PRKD1: variants seen among roughly 807,000 people sequenced by gnomAD.
The protein encoded by PRKD1 is serine/threonine-protein kinase D1.
Under a neutral mutation model 95.9 loss-of-function variants are expected in PRKD1, and 63 were observed. The observed-to-expected ratio is 0.66, with a 90% CI of 0.54 to 0.81. The LOEUF (loss-of-function observed/expected upper bound fraction) is 0.81, where lower values mean the gene tolerates loss of function less well. Among genes scored for constraint, PRKD1 ranks in the 30% least tolerant of loss-of-function variants. The pLI is 0.00. For synonymous variants in PRKD1, 425 were observed against 423.1 expected (o/e 1.00, Z -0.05); for missense variants, 1,048 against 1,165.3 (o/e 0.90, Z 1.47).
chr14:29,661,399 T>C, intron 4 of PRKD1, among the ~76,000 whole-genome samples: 1 of 152,188 alleles, frequency 6.6e-6, no homozygotes, highest in East Asian at 1.9e-4. Context: ...ATATCACCTC[T>C]TATTAGGCAC....
chr14:29,810,023 G>C (rs984731905), intron 1 of PRKD1, among the ~76,000 whole-genome samples: 2 of 152,118 alleles, frequency 1.3e-5, no homozygotes, highest in Non-Finnish European at 2.9e-5. Context: ...GGAATAGAGA[G>C]GCCTAAACAG....
chr14:29,648,273 G>C (rs1881261693), intron 4 of PRKD1, among the ~76,000 whole-genome samples: 1 of 150,664 alleles, frequency 6.6e-6, no homozygotes, highest in Non-Finnish European at 1.5e-5. Context: ...CTGTATAAAT[G>C]ATGTTTAATA....
chr14:29,905,598 A>T (rs183987926), intron 1 of PRKD1, among the ~76,000 whole-genome samples: 5 of 152,334 alleles, frequency 3.3e-5, no homozygotes, highest in Admixed American at 3.3e-4. Context: ...CCTTGTAATA[A>T]GTATCTCAGA....
chr14:29,640,225 C>G (rs1164646396), intron 4 of PRKD1, among the ~76,000 whole-genome samples: 1 of 152,106 alleles, frequency 6.6e-6, no homozygotes, highest in Admixed American at 6.5e-5. Flanking sequence ...AAATGTGAAC[C>G]TACATTTGTT....
chr14:29,654,661 G>A (rs138457200), intron 4 of PRKD1, among the ~76,000 whole-genome samples: 152 of 152,078 alleles, frequency 1.0e-3, no homozygotes, highest in Admixed American at 6.2e-3. Context: ...TCTACTTGTC[G>A]GTATATGGTT....
At chr14:29,743,130 C>T (rs1887055201) in intron 1 of PRKD1, among the ~76,000 whole-genome samples, 2 of 152,052 alleles carry the variant, frequency 1.3e-5, no homozygotes. Flanking sequence ...GTTTCTTTGC[C>T]TTTAAAAAAG....
In PRKD1 at chr14:29,855,003, G is replaced by A. The variant is rs188181008; in HGVS notation, c.264+72246C>T. Among the ~76,000 whole-genome samples, 25 of 152,338 alleles carry A rather than the reference G, an allele frequency of 1.6e-4. No homozygotes were observed. The East Asian group carries it at 4.3e-3, about 26-fold the overall frequency. ...TAGATTTCAGAGGATGTATAAAGACGCCTGGATGCCCAGGCAGAAGTTTGC... is the reference window on the plus strand; with the variant it reads ...TAGATTTCAGAGGATGTATAAAGACACCTGGATGCCCAGGCAGAAGTTTGC... On this transcript the variant is annotated intron_variant, in intron 1 of 17. Coordinates refer to ENST00000331968, the MANE Select transcript of PRKD1 (RefSeq NM_002742.3).
At chr14:29,620,946 A>C (rs1227509413) in intron 13 of PRKD1, among the ~76,000 whole-genome samples, 1 of 152,008 alleles carries the variant, frequency 6.6e-6, no homozygotes, top group Non-Finnish European at 1.5e-5. Context: ...ACAATGATAG[A>C]CTGGATTAAG....
intron 16 of PRKD1, among the ~76,000 whole-genome samples, chr14:29,590,884 T>G (rs1893103607): frequency 6.6e-6 from 1 of 152,168 alleles, no homozygotes; most frequent in African/African-American, 2.4e-5. Context: ...GTTCAAGCAA[T>G]TCTCCTGCCT....
chr14:29,902,843 TAAAAAA>T (rs33986859), intron 1 of PRKD1, among the ~76,000 whole-genome samples: 4 of 151,970 alleles, frequency 2.6e-5, no homozygotes, highest in African/African-American at 9.7e-5. Context: ...AAAGGAAAAA[TAAAAAA>T]AAAATCATCT....
chr14:29,680,310 C>T (rs1413587076), intron 2 of PRKD1, among the ~76,000 whole-genome samples: 1 of 152,102 alleles, frequency 6.6e-6, no homozygotes, highest in African/African-American at 2.4e-5. Flanking sequence ...TGATCCCCTC[C>T]CCAACTACGT....
At chr14:29,727,261 ATTTG>A (rs1376849746) in intron 1 of PRKD1, among the ~76,000 whole-genome samples, 2 of 151,950 alleles carry the variant, frequency 1.3e-5, no homozygotes, top group Middle Eastern at 3.2e-3. Context: ...TTTCTTGTAA[ATTTG>A]TTTGAGTTCA....
At chr14:29,590,935 C>A (rs6576294) in intron 16 of PRKD1, among the ~76,000 whole-genome samples, 23 of 152,034 alleles carry the variant, frequency 1.5e-4, no homozygotes, top group African/African-American at 5.5e-4. Context: ...TGCACCACTA[C>A]GCCTGGCTAA....
intron 1 of PRKD1, among the ~76,000 whole-genome samples, chr14:29,905,906 A>T (rs1894479856): frequency 6.6e-6 from 1 of 152,250 alleles, no homozygotes; most frequent in African/African-American, 2.4e-5. Context: ...CGAGAAAGTC[A>T]ACTCATGAGT....
chr14:29,835,192 T>C (rs900956601), intron 1 of PRKD1, among the ~76,000 whole-genome samples: 13 of 152,152 alleles, frequency 8.5e-5, no homozygotes, highest in Non-Finnish European at 1.6e-4. Flanking sequence ...ATGGAAATAG[T>C]GGGGCATTTA....
At chr14:29,771,553 T>G (rs1888508322) in intron 1 of PRKD1, among the ~76,000 whole-genome samples, 1 of 152,042 alleles carries the variant, frequency 6.6e-6, no homozygotes. Context: ...CATAGCTACA[T>G]CCATCTAGAT....
At chr14:29,614,085 T>C (rs1179370187) in intron 13 of PRKD1, among the ~76,000 whole-genome samples, 11 of 152,222 alleles carry the variant, frequency 7.2e-5, no homozygotes, top group Admixed American at 7.2e-4. Flanking sequence ...GCTTTCATGA[T>C]GATTTTTCTC....
At chr14:29,731,276 T>A (rs1349688646) in intron 1 of PRKD1, among the ~76,000 whole-genome samples, 1 of 152,164 alleles carries the variant, frequency 6.6e-6, no homozygotes, top group Non-Finnish European at 1.5e-5. Context: ...TGTTCTTAAT[T>A]CCTCATTTAA....
chr14:29,826,514 A>G (rs566347018), intron 1 of PRKD1, among the ~76,000 whole-genome samples: 6 of 126,392 alleles, frequency 4.7e-5, no homozygotes, highest in African/African-American at 1.8e-4. Flanking sequence ...ATGATGGAAT[A>G]TATGTATACA....
Sources: allele counts gnomAD v4.1 joint callset (sites outside exome capture counted in the v4.1 genomes callset), GRCh38; gene constraint gnomAD v4.1.1; transcripts MANE v1.5; gene names NCBI Gene and HGNC (gene_info 2026-07-23, HGNC 2026-07-21).